The following ZNF516 variants were observed in gnomAD, a reference collection of about 807,000 sequenced individuals.
The protein encoded by ZNF516 is zinc finger protein 516.
ZNF516 carries 19 observed loss-of-function variants against 79.7 expected under a neutral mutation model. That is an observed-to-expected ratio of 0.24 (90% CI 0.17 to 0.35). The LOEUF (loss-of-function observed/expected upper bound fraction) is 0.35, where lower values mean the gene tolerates loss of function less well. ZNF516 is among the 10% of genes least tolerant of loss of function. The pLI, the probability that ZNF516 is intolerant of heterozygous loss-of-function variation, is 1.00. For missense variants in ZNF516, 1,678 were observed against 1,679.5 expected, an observed-to-expected ratio of 1.00 and a Z score of 0.02; for synonymous variants, 877 against 739.5, an observed-to-expected ratio of 1.19 and a Z score of -3.02.
intron 5 of ZNF516, among the ~76,000 whole-genome samples, 195 bp downstream of exon 5, chr18:76,371,272 G>C (rs1166602023): frequency 6.6e-6 from 1 of 152,202 alleles, no homozygotes; most frequent in Non-Finnish European, 1.5e-5. Context: ...ATGGCACATG[G>C]ACACCAAAAA....
intron 2 of ZNF516, among the ~76,000 whole-genome samples, chr18:76,448,158 AAACT>A (rs1383767039): frequency 1.3e-5 from 2 of 152,236 alleles, no homozygotes. Flanking sequence ...CTACATTTTA[AAACT>A]AACCATGTAA....
At chr18:76,443,921 ACATGCC>A (rs1373061217) in intron 2 of ZNF516, among the ~76,000 whole-genome samples, 3 of 152,158 alleles carry the variant, frequency 2.0e-5, no homozygotes, top group African/African-American at 7.2e-5. Context: ...GCCGCCACCT[ACATGCC>A]CATCCCACCC....
intron 1 of ZNF516, among the ~76,000 whole-genome samples, chr18:76,473,780 A>G (rs1209457039): frequency 1.3e-5 from 2 of 151,728 alleles, no homozygotes; most frequent in Admixed American, 1.3e-4. Context: ...CAGCCTGAGC[A>G]ACAGGGTGAG....
At chr18:76,446,030 G>A (rs1218871740) in intron 2 of ZNF516, among the ~76,000 whole-genome samples, 3 of 152,210 alleles carry the variant, frequency 2.0e-5, no homozygotes, top group Non-Finnish European at 1.5e-5. Flanking sequence ...CCAACACAGG[G>A]CATTCAGCAC....
rs138812448 is a variant in ZNF516 at position 76,492,926 on chromosome 18, G to A, written c.-272+2218C>T. The A allele has an allele frequency of 4.4e-3, 4,330 of 985,584 alleles. 10 individuals are homozygous for A. The highest frequency in any genetic ancestry group is 4.7e-3 in the Non-Finnish European group (3,933 of 830,024). The allele number at this position is 985,584 out of a possible 1,614,324, so 61.1% of individuals were successfully genotyped here. The stretch of plus-strand genomic sequence containing the variant: ...TGTAAATGCAGAAGCCTGCGGATGC[G>A]CGGGGCTGGCCAGACTTCACAGTGT... On this transcript the variant is annotated intron_variant, in intron 1 of 6. Transcript: ENST00000443185.
intron 6 of ZNF516, among the ~76,000 whole-genome samples, chr18:76,369,799 G>C (rs1325040671): frequency 6.6e-6 from 1 of 152,212 alleles, no homozygotes; most frequent in Non-Finnish European, 1.5e-5. Context: ...ATGTTACTTA[G>C]AGAATGCTTG....
intron 3 of ZNF516, among the ~76,000 whole-genome samples, chr18:76,429,542 G>A (rs773922012): frequency 2.0e-5 from 3 of 152,106 alleles, no homozygotes; most frequent in Non-Finnish European, 4.4e-5. Flanking sequence ...CGATGACCAA[G>A]GCCAGCAGTG....
chr18:76,474,567 C>T lies in ZNF516; in HGVS notation c.-271-11426G>A, dbSNP rs149910533. On this transcript the variant is annotated intron_variant, in intron 1 of 6. Transcript: ENST00000443185. Reference sequence around the variant, plus strand: ...TCAAAATTTATGGTACACAAGAAAGCTAAAATAAAATTCAATTACTTGCTA... The same window carrying T: ...TCAAAATTTATGGTACACAAGAAAGTTAAAATAAAATTCAATTACTTGCTA... Among the ~76,000 whole-genome samples, 18 of 152,156 alleles carry T rather than the reference C, an allele frequency of 1.2e-4. No individual in the cohort carries two copies. In the East Asian group the frequency reaches 3.5e-3, roughly 29 times the overall value.
intron 1 of ZNF516, chr18:76,492,140 C>T (rs1176936528): frequency 8.1e-6 from 8 of 985,210 alleles, no homozygotes; most frequent in African/African-American, 1.7e-5. Context: ...GGTCCTTAAC[C>T]TCTCCATTGC....
intron 6 of ZNF516, among the ~76,000 whole-genome samples, chr18:76,366,793 T>C (rs1353091300): frequency 6.6e-6 from 1 of 152,216 alleles, no homozygotes; most frequent in Non-Finnish European, 1.5e-5. Flanking sequence ...TAACTTGATT[T>C]CCACAGCAAG....
rs1464489180 is a variant in ZNF516, at chr18:76,468,080, G to A, written c.-271-4939C>T. Among the ~76,000 whole-genome samples the A allele has an allele frequency of 2.0e-5, 3 of 152,170 alleles. No individual in the cohort carries two copies. The East Asian group carries it at 5.8e-4, about 29-fold the overall frequency. ...CCTATTCTGTGAACTGACCACTTCA[G>A]GCCACTCAAGGCATCCCAGGAGATT... is the stretch of plus-strand genomic sequence containing the variant. On this transcript the variant is annotated intron_variant, in intron 1 of 6. Transcript: ENST00000443185.
chr18:76,362,555 C>T lies in ZNF516; in HGVS notation c.3435G>A (p.Gly1145=), dbSNP rs1255364565. ...CGGTACCTGTGTTAGAATGGTCTCT[C>T]CCCTGGGTGAGAAAAAGGAAAGAAC... ...HTTSADAPKQ[G]RDHSNTGTVQ... is the part of the protein sequence containing the mutation. Residue 1145 remains glycine, a splice_region_variant and synonymous_variant, in exon 7 of 7, where the codon GGG becomes GGA. Coordinates refer to ENST00000443185, the MANE Select transcript of ZNF516 (RefSeq NM_014643.4). 12 of 1,608,704 alleles carry T rather than the reference C, an allele frequency of 7.5e-6. No individual in the cohort carries two copies. The highest frequency in any genetic ancestry group is 3.3e-5 in the South Asian group (3 of 90,880).
intron 1 of ZNF516, among the ~76,000 whole-genome samples, chr18:76,464,454 C>T (rs921550419): frequency 9.9e-5 from 15 of 152,228 alleles, no homozygotes; most frequent in African/African-American, 3.6e-4. Context: ...AATCTCAGAA[C>T]CATCACTGGG....
intron 1 of ZNF516, among the ~76,000 whole-genome samples, chr18:76,486,987 T>A (rs1242346817): frequency 1.3e-5 from 2 of 152,206 alleles, no homozygotes; most frequent in Admixed American, 1.3e-4. Flanking sequence ...TTTTAAATAA[T>A]TTTTCCTACT....
chr18:76,435,251 G>C (rs538183386), intron 3 of ZNF516, among the ~76,000 whole-genome samples: 2 of 152,242 alleles, frequency 1.3e-5, no homozygotes, highest in Non-Finnish European at 2.9e-5. Context: ...GTGGCGGGAA[G>C]AAAGCCCCGG....
At chr18:76,425,991 C>T (rs1448319632) in intron 3 of ZNF516, among the ~76,000 whole-genome samples, 2 of 152,356 alleles carry the variant, frequency 1.3e-5, no homozygotes, top group East Asian at 1.9e-4. Context: ...ATAAGACTGC[C>T]TTCATGTTGC....
intron 3 of ZNF516, among the ~76,000 whole-genome samples, chr18:76,404,548 G>C (rs1373431062): frequency 1.3e-5 from 2 of 151,998 alleles, no homozygotes; most frequent in Non-Finnish European, 1.5e-5. Flanking sequence ...ATGTGTGAAC[G>C]TGTGCATGTG....
chr18:76,437,198 A>G (rs2075754299), intron 3 of ZNF516, among the ~76,000 whole-genome samples: 1 of 152,148 alleles, frequency 6.6e-6, no homozygotes, highest in African/African-American at 2.4e-5. Context: ...CAGCCGCATG[A>G]CTGCAGCCTG....
At chr18:76,471,075 C>T (rs1045147375) in intron 1 of ZNF516, among the ~76,000 whole-genome samples, 5 of 152,118 alleles carry the variant, frequency 3.3e-5, no homozygotes, top group Non-Finnish European at 7.3e-5. Context: ...CTTTTACCTA[C>T]ATCAAAAATA....
Sources: allele counts gnomAD v4.1 joint callset (sites outside exome capture counted in the v4.1 genomes callset), GRCh38; gene constraint gnomAD v4.1.1; transcripts MANE v1.5; gene names NCBI Gene and HGNC (gene_info 2026-07-23, HGNC 2026-07-21).